TACC2: variants seen among roughly 807,000 people sequenced by gnomAD.
The protein encoded by TACC2 is transforming acidic coiled-coil-containing protein 2.
Under a neutral mutation model 227.3 loss-of-function variants are expected in TACC2, and 137 were observed. That is an observed-to-expected ratio of 0.60 (90% CI 0.52 to 0.69). The LOEUF is 0.69. Ranked by LOEUF, TACC2 falls within the 30% of genes least tolerant of loss-of-function variation. The pLI, the probability that TACC2 is intolerant of heterozygous loss-of-function variation, is 0.00. For missense variants in TACC2, 3,470 were observed against 3,694.4 expected (o/e 0.94, Z 1.57); for synonymous variants, 1,523 against 1,487.5 (o/e 1.02, Z -0.55).
chr10:122,038,528 A>T (rs1006865101), intron 2 of TACC2, among the ~76,000 whole-genome samples: 2 of 152,108 alleles, frequency 1.3e-5, no homozygotes, highest in African/African-American at 4.8e-5. Flanking sequence ...CAGCTGGCAC[A>T]AAACTAGGTT....
At position 122,161,108 on chromosome 10, in the gene TACC2, T is replaced by A. The variant is rs553906190; in HGVS notation, c.5834+17402T>A. ...ACCACCACACCCACCTAATTTTGTT[T>A]ATTTTTTTGTAGAGACAAGGTCTCA... On this transcript the variant is annotated intron_variant, in intron 7 of 22. Coordinates refer to ENST00000369005, the MANE Select transcript of TACC2 (RefSeq NM_206862.4). 8.5e-5 allele frequency among the ~76,000 whole-genome samples: 13 copies of A among 152,214 alleles called. No homozygotes were observed. In the South Asian group the frequency reaches 2.5e-3, roughly 29 times the overall value.
At chr10:122,177,121 C>T (rs187350367) in intron 7 of TACC2, among the ~76,000 whole-genome samples, 8 of 152,300 alleles carry the variant, frequency 5.3e-5, no homozygotes, top group Admixed American at 2.0e-4. Flanking sequence ...TTTTCAGAGC[C>T]ACTCCTGTGT....
intron 7 of TACC2, among the ~76,000 whole-genome samples, chr10:122,174,959 T>C (rs1310780146): frequency 6.6e-6 from 1 of 152,206 alleles, no homozygotes; most frequent in Non-Finnish European, 1.5e-5. Context: ...GTGGGTTTCA[T>C]TTATTTTTAA....
intron 7 of TACC2, among the ~76,000 whole-genome samples, chr10:122,165,180 T>C (rs1401198320): frequency 6.6e-6 from 1 of 152,244 alleles, no homozygotes; most frequent in African/African-American, 2.4e-5. Flanking sequence ...TTTTAAATGT[T>C]ATGATCCTTG....
At chr10:122,014,479 G>C (rs951976472) in intron 1 of TACC2, among the ~76,000 whole-genome samples, 11 of 152,244 alleles carry the variant, frequency 7.2e-5, no homozygotes, top group African/African-American at 2.4e-4. Context: ...CTAAAGGGCT[G>C]GGATTACAGG....
In TACC2 at chr10:122,083,832, A is replaced by C; in HGVS notation, c.1332A>C (p.Ser444=). The change falls in exon 4 of 23, where the codon TCA becomes TCC. Residue 444 remains serine (S), a synonymous_variant. Coordinates refer to ENST00000369005, the MANE Select transcript of TACC2 (RefSeq NM_206862.4). ...AACCTGGATCATCATCCAGGGAATCAGTTTCCAAGGCTGGGATGCCAGTTT... is the reference window on the plus strand; with the variant it reads ...AACCTGGATCATCATCCAGGGAATCCGTTTCCAAGGCTGGGATGCCAGTTT... ...VEEPGSSSRE[S]VSKAGMPVSA... is the part of the protein sequence containing the mutation. The C allele has an allele frequency of 6.2e-7, 1 of 1,614,172 alleles. No individual in the cohort carries two copies.
chr10:122,189,347 G>A (rs1459658298), intron 7 of TACC2, among the ~76,000 whole-genome samples: 1 of 152,124 alleles, frequency 6.6e-6, no homozygotes, highest in Non-Finnish European at 1.5e-5. Context: ...CTGATCTGTC[G>A]CCGAGGGCTC....
At chr10:122,184,250 G>T (rs375787205) in intron 7 of TACC2, among the ~76,000 whole-genome samples, 3 of 152,158 alleles carry the variant, frequency 2.0e-5, no homozygotes, top group African/African-American at 7.2e-5. Context: ...GATGTGTCTT[G>T]CTGGCTGGGG....
rs1437077411 is a variant in TACC2, at chr10:122,033,009, A to AACAAG, written c.33+10996_33+10997insCAAGA. ...CAACAACAACAACAACAAAAACAAA[A>AACAAG]AAACCCCACAAAAACACCAAAGATT... On this transcript the variant is annotated intron_variant, in intron 2 of 22. Transcript: ENST00000369005. The AACAAG allele has an allele frequency of 3.5e-6, 3 of 845,866 alleles. No individual in the cohort carries two copies. In the African/African-American group the frequency reaches 7.8e-5, roughly 22 times the overall value. 52.4% of individuals were successfully genotyped at this position (845,866 alleles called of 1,614,324 possible).
intron 1 of TACC2, among the ~76,000 whole-genome samples, chr10:122,001,641 G>A (rs546669321): frequency 6.6e-6 from 1 of 152,296 alleles, no homozygotes; most frequent in South Asian, 2.1e-4. Flanking sequence ...ATTAAAAATT[G>A]TGTCAGTGTT....
intron 5 of TACC2, among the ~76,000 whole-genome samples, chr10:122,114,331 A>T (rs2084238987): frequency 6.6e-6 from 1 of 152,122 alleles, no homozygotes; most frequent in African/African-American, 2.4e-5. Flanking sequence ...TTTTTCCGGG[A>T]CTGTGACGTG....
chr10:122,108,442 CTTTTTTTTTT>C (rs34097153), intron 5 of TACC2, among the ~76,000 whole-genome samples: 5 of 90,022 alleles, frequency 5.6e-5, no homozygotes, highest in Admixed American at 5.0e-4. Context: ...GTCATATTTT[CTTTTTTTTTT>C]TTTTTTTTTT....
At position 122,043,459 on chromosome 10, in the gene TACC2, C is replaced by CTCTTTCTT. The variant is rs57557713; in HGVS notation, c.34-6969_34-6962dup. ...ATTAGATTTCTTTCTTTCTTTCTTT[C>CTCTTTCTT]TCTTTCTTTCTTTCTTTTTCTCTTT... is the stretch of plus-strand genomic sequence containing the variant. On this transcript the variant is annotated intron_variant, in intron 2 of 22. Transcript: ENST00000369005. Among the ~76,000 whole-genome samples, 129 of 148,440 alleles carry CTCTTTCTT rather than the reference C, an allele frequency of 8.7e-4. 1 individual carries two copies. The East Asian group carries it at 0.015, about 18-fold the overall frequency.
intron 19 of TACC2, among the ~76,000 whole-genome samples, chr10:122,244,541 G>T (rs372404885): frequency 1.0e-3 from 154 of 152,304 alleles, no homozygotes; most frequent in African/African-American, 3.5e-3. Flanking sequence ...GCATGGCTGG[G>T]ACTCACTGTG....
At chr10:122,217,262 A>G (rs1243891081) in intron 11 of TACC2, among the ~76,000 whole-genome samples, 6 of 151,894 alleles carry the variant, frequency 4.0e-5, no homozygotes, top group Admixed American at 2.6e-4. Flanking sequence ...TTCAGACACT[A>G]TGGCCACACC....
chr10:122,188,341 G>A (rs928764903), intron 7 of TACC2, among the ~76,000 whole-genome samples: 33 of 152,262 alleles, frequency 2.2e-4, no homozygotes, highest in African/African-American at 6.5e-4. Flanking sequence ...GTGCAGTGGT[G>A]TGATCTTGGC....
chr10:122,067,376 A>C (rs1034146559), intron 3 of TACC2, among the ~76,000 whole-genome samples: 1 of 151,886 alleles, frequency 6.6e-6, no homozygotes, highest in African/African-American at 2.4e-5. Flanking sequence ...TCTGGCTTTC[A>C]TTATTTCCAA....
At chr10:122,157,921 G>C (rs2092590773) in intron 7 of TACC2, among the ~76,000 whole-genome samples, 1 of 152,036 alleles carries the variant, frequency 6.6e-6, no homozygotes. Flanking sequence ...AACGTGGTAT[G>C]TGTGTTACTG....
chr10:122,198,910 G>A (rs11200467), intron 8 of TACC2, among the ~76,000 whole-genome samples: 13,139 of 152,322 alleles, frequency 0.086, 1,012 homozygotes, highest in East Asian at 0.31. Flanking sequence ...ACGCCCCCGA[G>A]GCAAAGGATG....
Sources: allele counts gnomAD v4.1 joint callset (sites outside exome capture counted in the v4.1 genomes callset), GRCh38; gene constraint gnomAD v4.1.1; transcripts MANE v1.5; gene names NCBI Gene and HGNC (gene_info 2026-07-23, HGNC 2026-07-21).